Variants in PHACTR3 observed in about 807,000 individuals in gnomAD.
PHACTR3 encodes the protein protein phosphatase 1, regulatory subunit 123.
Under a neutral mutation model 66.8 loss-of-function variants are expected in PHACTR3, and 16 were observed. That is an observed-to-expected ratio of 0.24 (90% CI 0.16 to 0.36). The LOEUF (loss-of-function observed/expected upper bound fraction) is 0.36. PHACTR3 is among the 10% of genes least tolerant of loss of function. PHACTR3 has a pLI of 1.00. For synonymous variants in PHACTR3, 323 were observed against 292.1 expected (o/e 1.11, Z -1.08); for missense variants, 647 against 719.9 (o/e 0.90, Z 1.16).
At chr20:59,715,224 G>T (rs2038052236) in intron 1 of PHACTR3, among the ~76,000 whole-genome samples, 1 of 151,824 alleles carries the variant, frequency 6.6e-6, no homozygotes, top group African/African-American at 2.4e-5. Flanking sequence ...GGAAAGATTT[G>T]AATATTTCAT....
chr20:59,669,272 G>A (rs567141950), intron 1 of PHACTR3, among the ~76,000 whole-genome samples: 1 of 152,304 alleles, frequency 6.6e-6, no homozygotes, highest in East Asian at 1.9e-4. Flanking sequence ...AGTTTTCTCA[G>A]CATTCCCTGT....
intron 2 of PHACTR3, 129 bp downstream of exon 2, chr20:59,743,397 G>A (rs2039246710): frequency 1.6e-6 from 2 of 1,231,430 alleles, no homozygotes; most frequent in Non-Finnish European, 2.2e-6. Flanking sequence ...TTCATGGCCT[G>A]TGATGGCCAG....
chr20:59,752,434 G>A (rs761582682), intron 3 of PHACTR3, among the ~76,000 whole-genome samples: 8 of 152,252 alleles, frequency 5.3e-5, no homozygotes, highest in East Asian at 1.9e-4. Flanking sequence ...GGCTCCCACC[G>A]CTCCCCCAAC....
chr20:59,840,384 C>G lies in PHACTR3; in HGVS notation c.1400C>G (p.Thr467Arg). 1 of 1,611,696 alleles carries G rather than the reference C, an allele frequency of 6.2e-7. No individual in the cohort carries two copies. Among genetic ancestry groups the G allele is most frequent in the South Asian group, 1.1e-5 (1 of 90,728 alleles). ...TCTTTCACAGAAAGGAATGATCAGACAGAGCAGGAAGAAAGAAGAGAAATC... is the reference window on the plus strand; with the variant it reads ...TCTTTCACAGAAAGGAATGATCAGAGAGAGCAGGAAGAAAGAAGAGAAATC... ...RNILKQRNDQ[T>R]EQEERREIKQ... The change falls in exon 10 of 13, where the codon ACA becomes AGA. Residue 467 changes from threonine to arginine, a missense_variant. Thr to Arg is a moderately conservative substitution (Grantham distance 71). Coordinates refer to ENST00000371015, the MANE Select transcript of PHACTR3 (RefSeq NM_080672.5).
intron 8 of PHACTR3, among the ~76,000 whole-genome samples, chr20:59,806,820 G>A (rs2041586098): frequency 6.6e-6 from 1 of 152,236 alleles, no homozygotes; most frequent in African/African-American, 2.4e-5. Context: ...CCACGCTGTA[G>A]CTGATGGCTC....
intron 1 of PHACTR3, among the ~76,000 whole-genome samples, chr20:59,689,339 G>A (rs754840272): frequency 6.6e-6 from 1 of 152,248 alleles, no homozygotes; most frequent in Non-Finnish European, 1.5e-5. Flanking sequence ...TCTGAGGCCA[G>A]GTAGTGGGGC....
At chr20:59,826,327 G>A (rs1048977870) in intron 8 of PHACTR3, among the ~76,000 whole-genome samples, 2 of 152,120 alleles carry the variant, frequency 1.3e-5, no homozygotes, top group African/African-American at 4.8e-5. Flanking sequence ...ACAGATCTTC[G>A]CTGAGTGTCC....
At chr20:59,764,639 T>A (rs1286956089) in intron 4 of PHACTR3, among the ~76,000 whole-genome samples, 1 of 152,116 alleles carries the variant, frequency 6.6e-6, no homozygotes, top group Non-Finnish European at 1.5e-5. Flanking sequence ...TGAGGCCGGG[T>A]GAGCCAGTTC....
intron 1 of PHACTR3, among the ~76,000 whole-genome samples, chr20:59,592,607 C>T (rs1003529873): frequency 6.6e-6 from 1 of 152,152 alleles, no homozygotes; most frequent in East Asian, 1.9e-4. Context: ...TAGTATCATA[C>T]AGATACTGCC....
At chr20:59,626,326 T>C (rs144117054) in intron 1 of PHACTR3, 13 of 152,354 alleles carry the variant, frequency 8.5e-5, no homozygotes, top group African/African-American at 3.1e-4. Flanking sequence ...GATGGGACTC[T>C]AGGTGGTTAT....
At chr20:59,616,355 T>A (rs1003637731) in intron 1 of PHACTR3, among the ~76,000 whole-genome samples, 1 of 152,170 alleles carries the variant, frequency 6.6e-6, no homozygotes, top group African/African-American at 2.4e-5. Flanking sequence ...TGGTGCAGTT[T>A]TGAGGCTCCC....
At chr20:59,609,995 T>A (rs566180232) in intron 1 of PHACTR3, among the ~76,000 whole-genome samples, 53 of 152,356 alleles carry the variant, frequency 3.5e-4, no homozygotes, top group Non-Finnish European at 3.7e-4. Flanking sequence ...TGGTCACACC[T>A]GTAATCCCAG....
chr20:59,827,052 C>T (rs2042214609), intron 8 of PHACTR3, among the ~76,000 whole-genome samples: 1 of 152,148 alleles, frequency 6.6e-6, no homozygotes, highest in South Asian at 2.1e-4. Flanking sequence ...TTCCTCAGTA[C>T]CTCTGAGAGT....
chr20:59,694,195 GA>G (rs1226593277), intron 1 of PHACTR3, among the ~76,000 whole-genome samples: 4 of 152,174 alleles, frequency 2.6e-5, no homozygotes, highest in Non-Finnish European at 5.9e-5. Context: ...ACCTTGTCAT[GA>G]AAAGGCCAGA....
intron 7 of PHACTR3, among the ~76,000 whole-genome samples, chr20:59,788,394 C>T (rs2040988168): frequency 6.6e-6 from 1 of 152,078 alleles, no homozygotes; most frequent in African/African-American, 2.4e-5. Context: ...GTCTGGATGC[C>T]CCCCACGCCT....
intron 1 of PHACTR3, among the ~76,000 whole-genome samples, chr20:59,658,062 T>C (rs1024021126): frequency 6.6e-6 from 1 of 152,138 alleles, no homozygotes; most frequent in African/African-American, 2.4e-5. Flanking sequence ...ATGATTCTTT[T>C]TTCTACCAAT....
chr20:59,614,199 C>T (rs534094358), intron 1 of PHACTR3, among the ~76,000 whole-genome samples: 1 of 152,360 alleles, frequency 6.6e-6, no homozygotes, highest in East Asian at 1.9e-4. Flanking sequence ...GTCCTCTGTC[C>T]TTTACATGGA....
intron 1 of PHACTR3, among the ~76,000 whole-genome samples, chr20:59,634,458 G>T (rs918119806): frequency 6.6e-6 from 1 of 152,194 alleles, no homozygotes; most frequent in Non-Finnish European, 1.5e-5. Context: ...AGTGTTGGCC[G>T]TGAACGGTGG....
At chr20:59,658,004 T>C (rs1458581492) in intron 1 of PHACTR3, among the ~76,000 whole-genome samples, 1 of 152,220 alleles carries the variant, frequency 6.6e-6, no homozygotes. Flanking sequence ...ACTTCATTCT[T>C]TCCCTCTGCT....
Sources: allele counts gnomAD v4.1 joint callset (sites outside exome capture counted in the v4.1 genomes callset), GRCh38; gene constraint gnomAD v4.1.1; transcripts MANE v1.5; gene names NCBI Gene and HGNC (gene_info 2026-07-23, HGNC 2026-07-21).